Variants in UIMC1 observed in about 807,000 individuals in gnomAD.
UIMC1 encodes the protein ubiquitin interaction motif containing 1.
A neutral mutation model predicts 84.9 loss-of-function variants in UIMC1; 42 were observed. The observed-to-expected ratio is 0.49, with a 90% confidence interval of 0.39 to 0.64. UIMC1 has a LOEUF of 0.64. Among genes scored for constraint, UIMC1 ranks in the 30% least tolerant of loss-of-function variants. The pLI, the probability that UIMC1 is intolerant of heterozygous loss-of-function variation, is 0.00. For missense variants in UIMC1, 825 were observed against 847.6 expected (o/e 0.97, Z 0.33); for synonymous variants, 281 against 293.0 (o/e 0.96, Z 0.42).
chr5:176,943,692 C>G (rs913931688), intron 9 of UIMC1, among the ~76,000 whole-genome samples: 1 of 152,168 alleles, frequency 6.6e-6, no homozygotes, highest in African/African-American at 2.4e-5. Flanking sequence ...GTATTAAACA[C>G]TCTACATGTA....
At chr5:176,995,041 G>A (rs1773409959) in intron 1 of UIMC1, among the ~76,000 whole-genome samples, 1 of 152,124 alleles carries the variant, frequency 6.6e-6, no homozygotes, top group Non-Finnish European at 1.5e-5. Flanking sequence ...TCAAGGCTCT[G>A]CCAGGGCCCT....
intron 10 of UIMC1, among the ~76,000 whole-genome samples, chr5:176,926,360 G>C (rs902223248): frequency 6.6e-6 from 1 of 152,088 alleles, no homozygotes; most frequent in Non-Finnish European, 1.5e-5. Flanking sequence ...GATACACACT[G>C]ATCAAGCTCA....
rs1771206518 is a variant in UIMC1, at chr5:176,982,499, T to C, written c.117A>G (p.Ala39=). Residue 39 remains alanine, a synonymous_variant, in exon 2 of 15, where the codon GCA becomes GCG. Transcript: ENST00000511320. Reference sequence around the variant, plus strand: ...CATCACTATCGGATATCACAATGAATGCATCCTCAAGTCTACGCTTCCTCT... The same window carrying C: ...CATCACTATCGGATATCACAATGAACGCATCCTCAAGTCTACGCTTCCTCT... ...SVKRKRRLED[A]FIVISDSDGE... is the part of the protein sequence containing the mutation. 2.5e-6 allele frequency: 4 copies of C among 1,613,864 alleles called. No individual in the cohort carries two copies. The South Asian group carries it at 4.4e-5, about 18-fold the overall frequency.
intron 10 of UIMC1, chr5:176,919,030 T>A (rs1422052548): frequency 5.7e-6 from 1 of 176,850 alleles, no homozygotes; most frequent in Non-Finnish European, 1.2e-5. Context: ...ATTTCACATC[T>A]TCTCTGCTAT....
At chr5:176,995,180 T>C (rs566500819) in intron 1 of UIMC1, among the ~76,000 whole-genome samples, 1 of 152,240 alleles carries the variant, frequency 6.6e-6, no homozygotes, top group South Asian at 2.1e-4. Context: ...CAAAAACTTG[T>C]ATATGTATGT....
At chr5:176,943,591 GACA>G in intron 9 of UIMC1, 103 bp from the exon 10 acceptor site, 4 of 1,372,356 alleles carry the variant, frequency 2.9e-6, no homozygotes, top group Admixed American at 2.1e-5. Flanking sequence ...CTTTCAAAGA[GACA>G]ACAACAGCTT....
At chr5:176,922,445 T>C (rs760538832) in intron 10 of UIMC1, among the ~76,000 whole-genome samples, 1 of 152,352 alleles carries the variant, frequency 6.6e-6, no homozygotes, top group Non-Finnish European at 1.5e-5. Flanking sequence ...GTCACAAGGT[T>C]TGCTTCTCTC....
upstream of UIMC1, among the ~76,000 whole-genome samples, chr5:177,008,758 C>T (rs762969315): frequency 6.6e-6 from 1 of 152,094 alleles, no homozygotes; most frequent in Non-Finnish European, 1.5e-5. Flanking sequence ...CACTTCTAAA[C>T]AATAGAATAA....
At chr5:176,994,790 G>A (rs1773357356) in intron 1 of UIMC1, among the ~76,000 whole-genome samples, 1 of 152,164 alleles carries the variant, frequency 6.6e-6, no homozygotes, top group Non-Finnish European at 1.5e-5. Flanking sequence ...GCAGAACAAA[G>A]GCAGTTAATT....
intron 2 of UIMC1, among the ~76,000 whole-genome samples, chr5:176,980,836 A>C (rs1770922711): frequency 6.6e-6 from 1 of 152,136 alleles, no homozygotes; most frequent in African/African-American, 2.4e-5. Flanking sequence ...TCCTAGGCTC[A>C]AGCAATTCTC....
chr5:176,967,921 AT>A (rs1381742433), intron 6 of UIMC1, among the ~76,000 whole-genome samples: 3 of 146,604 alleles, frequency 2.0e-5, no homozygotes, highest in Non-Finnish European at 3.0e-5. Context: ...AAAAAAAAAA[AT>A]TTATACAAAA....
rs552284793 is a variant in UIMC1 at position 176,954,559 on chromosome 5, A to G, written c.1339+1400T>C. On this transcript the variant is annotated intron_variant, in intron 8 of 14. Transcript: ENST00000511320. Reference sequence around the variant, plus strand: ...AGGTCAGCCTGGGAAACACACCAAGACCTCGTCTCTACTAAAAAAAAATAA... The same window carrying G: ...AGGTCAGCCTGGGAAACACACCAAGGCCTCGTCTCTACTAAAAAAAAATAA... Among the ~76,000 whole-genome samples, 425 of 151,772 alleles carry G rather than the reference A, an allele frequency of 2.8e-3. 1 individual carries two copies. Among genetic ancestry groups the G allele is most frequent in the African/African-American group, 9.9e-3 (410 of 41,372 alleles).
intron 3 of UIMC1, among the ~76,000 whole-genome samples, chr5:176,972,346 G>C (rs903194162): frequency 6.6e-6 from 1 of 151,532 alleles, no homozygotes; most frequent in African/African-American, 2.4e-5. Context: ...AGCTTGCAGT[G>C]AGCAGAGATG....
chr5:176,926,015 T>A (rs1340123482), intron 10 of UIMC1, among the ~76,000 whole-genome samples: 1 of 152,196 alleles, frequency 6.6e-6, no homozygotes, highest in Non-Finnish European at 1.5e-5. Context: ...TACATAGATT[T>A]GTAATAAAAC....
chr5:176,937,093 C>T (rs1472480338), intron 10 of UIMC1, among the ~76,000 whole-genome samples: 1 of 152,160 alleles, frequency 6.6e-6, no homozygotes, highest in Admixed American at 6.5e-5. Context: ...AGGTGTCTAA[C>T]ACAATTGGCC....
chr5:176,905,006 T>A lies in UIMC1; in HGVS notation c.*276A>T, dbSNP rs1759172312. On this transcript the variant is annotated 3_prime_UTR_variant, in exon 15 of 15. Coordinates refer to ENST00000511320, the MANE Select transcript of UIMC1 (RefSeq NM_001199298.2). ...CCCTGCAACATGAAGGAAAAAAAAA[T>A]TAAAATTTCCATCTATTGAAATAAG... is the stretch of plus-strand genomic sequence containing the variant. The A allele has an allele frequency of 6.6e-6, 2 of 301,462 alleles. No individual in the cohort carries two copies. The highest frequency in any genetic ancestry group is 5.1e-5 in the South Asian group (1 of 19,566). The allele number at this position is 301,462 out of a possible 1,614,324, so 18.7% of individuals were successfully genotyped here.
chr5:176,974,111 A>G (rs1163395965), intron 3 of UIMC1, among the ~76,000 whole-genome samples: 1 of 152,204 alleles, frequency 6.6e-6, no homozygotes, highest in Non-Finnish European at 1.5e-5. Flanking sequence ...TAGGAATGCA[A>G]AGGACCCAAA....
intron 9 of UIMC1, among the ~76,000 whole-genome samples, chr5:176,950,421 C>T (rs868320398): frequency 2.3e-4 from 35 of 151,730 alleles, no homozygotes; most frequent in African/African-American, 6.1e-4. Context: ...TCTTACAGTG[C>T]GCAGGATAAG....
intron 10 of UIMC1, among the ~76,000 whole-genome samples, chr5:176,922,128 A>T (rs545874774): frequency 7.9e-5 from 12 of 151,776 alleles, no homozygotes; most frequent in African/African-American, 2.7e-4. Context: ...TGTTCTAGTC[A>T]CTCTCCATCC....
Sources: allele counts gnomAD v4.1 joint callset (sites outside exome capture counted in the v4.1 genomes callset), GRCh38; gene constraint gnomAD v4.1.1; transcripts MANE v1.5; gene names NCBI Gene and HGNC (gene_info 2026-07-23, HGNC 2026-07-21).